FANCB: variants seen among roughly 807,000 people sequenced by gnomAD.
The protein encoded by FANCB is FA complementation group B.
A neutral mutation model predicts 38.9 loss-of-function variants in FANCB; 5 were observed. The ratio of observed to expected loss-of-function variants is 0.13; its 90% CI spans 0.07 to 0.27. The LOEUF is 0.27. Among genes scored for constraint, FANCB ranks in the 10% least tolerant of loss-of-function variants. The probability of loss-of-function intolerance (pLI) is 1.00; values close to 1 mark genes in which losing one functional copy is unlikely to be tolerated. For synonymous variants in FANCB, 236 were observed against 215.4 expected (o/e 1.10, Z -0.84); for missense variants, 573 against 602.7 (o/e 0.95, Z 0.52).
chrX:14,759,011 G>A, the FANCB span, among the ~76,000 whole-genome samples: 1 of 111,028 alleles, frequency 9.0e-6, no homozygotes, highest in Non-Finnish European at 1.9e-5. Context: ...CAGTAAAATA[G>A]CATAAATAAA....
At chrX:14,855,787 TTC>T (rs1421739976) in intron 5 of FANCB, among the ~76,000 whole-genome samples, 3 of 112,169 alleles carry the variant, frequency 2.7e-5, no homozygotes, top group Non-Finnish European at 5.6e-5. Context: ...AGACAGGATT[TTC>T]TGTTTGTTTC....
the FANCB span, among the ~76,000 whole-genome samples, chrX:14,773,769 C>T: frequency 8.9e-6 from 1 of 112,073 alleles, no homozygotes; most frequent in Non-Finnish European, 1.9e-5. Flanking sequence ...CACCAGGGCA[C>T]TCTGTATGTG....
chrX:14,816,789 A>C, the FANCB span, among the ~76,000 whole-genome samples: 4 of 112,338 alleles, frequency 3.6e-5, no homozygotes, highest in Admixed American at 3.8e-4. Context: ...GATCTAAAAC[A>C]TCAACTGGCC....
the FANCB span, among the ~76,000 whole-genome samples, chrX:14,778,622 T>G: frequency 8.9e-6 from 1 of 112,488 alleles, no homozygotes; most frequent in African/African-American, 3.2e-5. Context: ...AGACCTATTG[T>G]GTGCCAGCTT....
chrX:14,770,693 T>C, the FANCB span, among the ~76,000 whole-genome samples: 638 of 112,039 alleles, frequency 5.7e-3, no homozygotes, highest in Non-Finnish European at 8.5e-3. Flanking sequence ...TAGCTGGTTA[T>C]TTTGAAGACT....
the FANCB span, among the ~76,000 whole-genome samples, chrX:14,790,369 A>C: frequency 2.7e-5 from 3 of 112,047 alleles, no homozygotes; most frequent in Non-Finnish European, 3.8e-5. Context: ...ATGCTAATTT[A>C]GAGATCAGAG....
At chrX:14,814,317 T>C in the FANCB span, among the ~76,000 whole-genome samples, 1 of 111,456 alleles carries the variant, frequency 9.0e-6, no homozygotes, top group African/African-American at 3.3e-5. Flanking sequence ...AAGCCAAAAT[T>C]GACAAATGGG....
chrX:14,775,158 A>ATTTTTTTT, the FANCB span, among the ~76,000 whole-genome samples: 1 of 28,480 alleles, frequency 3.5e-5, no homozygotes, highest in African/African-American at 1.1e-4. Context: ...TATTTCTCTA[A>ATTTTTTTT]TGTTTTTTTT....
At chrX:14,737,272 T>C in the FANCB span, among the ~76,000 whole-genome samples, 2 of 112,002 alleles carry the variant, frequency 1.8e-5, no homozygotes, top group African/African-American at 6.5e-5. Flanking sequence ...AGTTCCAAGA[T>C]GAAAGAAAAA....
chrX:14,694,520 T>C, the FANCB span, among the ~76,000 whole-genome samples: 1 of 112,093 alleles, frequency 8.9e-6, no homozygotes, highest in African/African-American at 3.2e-5. Context: ...AGTTTCAATA[T>C]AGCAAATAGG....
At chrX:14,740,391 G>A in the FANCB span, among the ~76,000 whole-genome samples, 15 of 110,999 alleles carry the variant, frequency 1.4e-4, no homozygotes, top group Non-Finnish European at 2.6e-4. Context: ...CATCATGCTC[G>A]GCCATACCTT....
chrX:14,822,153 G>A, the FANCB span, among the ~76,000 whole-genome samples: 1 of 110,890 alleles, frequency 9.0e-6, no homozygotes, highest in Non-Finnish European at 1.9e-5. Flanking sequence ...CCTTTGGAGA[G>A]GTCTGAGAGC....
At chrX:14,840,371 C>T (rs1431183718), downstream of FANCB, among the ~76,000 whole-genome samples, 4 of 111,471 alleles carry the variant, frequency 3.6e-5, no homozygotes, top group South Asian at 3.7e-4. Context: ...CAAGCCCTTC[C>T]CCTCAGTCTG....
Position 14,862,652 on chromosome X carries a change from A to G in FANCB, c.951+1908T>C, listed in dbSNP as rs960960361. Among the ~76,000 whole-genome samples, 3 of 112,181 alleles carry G rather than the reference A, an allele frequency of 2.7e-5. No homozygotes were observed. In the Admixed American group the frequency reaches 2.8e-4, roughly 11 times the overall value. ...ATGACAGCCCTGGCTTTTGTCTAAC[A>G]GTAATATAACAGAGTAATAGCTACT... is the stretch of plus-strand genomic sequence containing the variant. On this transcript the variant is annotated intron_variant, in intron 3 of 9. Transcript: ENST00000650831.
At chrX:14,783,631 T>C in the FANCB span, among the ~76,000 whole-genome samples, 3 of 111,289 alleles carry the variant, frequency 2.7e-5, no homozygotes, top group African/African-American at 6.6e-5. Flanking sequence ...AGATAGAAAA[T>C]TGGGGATATT....
At chrX:14,750,643 G>C in the FANCB span, among the ~76,000 whole-genome samples, 2 of 110,688 alleles carry the variant, frequency 1.8e-5, no homozygotes, top group Non-Finnish European at 3.8e-5. Flanking sequence ...AAGTCTCTGG[G>C]GGACAGGAAA....
the FANCB span, among the ~76,000 whole-genome samples, chrX:14,785,821 G>T: frequency 9.0e-6 from 1 of 111,453 alleles, no homozygotes; most frequent in Non-Finnish European, 1.9e-5. Context: ...TACGCCAGAT[G>T]CTGTCTGACC....
At chrX:14,733,056 T>C in the FANCB span, among the ~76,000 whole-genome samples, 2 of 112,187 alleles carry the variant, frequency 1.8e-5, no homozygotes, top group African/African-American at 6.5e-5. Context: ...TTTTATAAGG[T>C]GTAAAGAAGG....
At chrX:14,804,106 C>A in the FANCB span, among the ~76,000 whole-genome samples, 1 of 111,973 alleles carries the variant, frequency 8.9e-6, no homozygotes, top group Non-Finnish European at 1.9e-5. Flanking sequence ...ACTAGAAATA[C>A]TATTTGACCC....
Sources: gnomAD v4.1 joint callset for allele counts (sites outside exome capture counted in the v4.1 genomes callset) on GRCh38, gnomAD v4.1.1 for gene constraint, MANE v1.5 for transcripts, NCBI Gene and HGNC (gene_info 2026-07-23, HGNC 2026-07-21) for gene names.